The following SV2C variants were observed in gnomAD, a reference collection of about 807,000 sequenced individuals.
SV2C encodes synaptic vesicle glycoprotein 2C.
A neutral mutation model predicts 79.7 loss-of-function variants in SV2C; 49 were observed. The ratio of observed to expected loss-of-function variants is 0.61; its 90% CI spans 0.49 to 0.78. The LOEUF (loss-of-function observed/expected upper bound fraction) is 0.78. SV2C is among the 30% of genes least tolerant of loss of function. The pLI is 0.00. For synonymous variants in SV2C, 334 were observed against 333.2 expected, an observed-to-expected ratio of 1.00 and a Z score of -0.03; for missense variants, 833 against 912.9, an observed-to-expected ratio of 0.91 and a Z score of 1.13.
chr5:76,006,321 C>G, the SV2C span, among the ~76,000 whole-genome samples: 13 of 152,134 alleles, frequency 8.5e-5, no homozygotes, highest in African/African-American at 2.9e-4. Flanking sequence ...TCCGTGGTCT[C>G]TTTTTGCCCA....
At chr5:76,054,200 G>A in the SV2C span, among the ~76,000 whole-genome samples, 1 of 152,108 alleles carries the variant, frequency 6.6e-6, no homozygotes, top group Non-Finnish European at 1.5e-5. Flanking sequence ...GTATCCATGT[G>A]TTCCCATTGT....
At chr5:76,104,760 G>A (rs1327745376) in intron 1 of SV2C, among the ~76,000 whole-genome samples, 1 of 152,204 alleles carries the variant, frequency 6.6e-6, no homozygotes, top group Non-Finnish European at 1.5e-5. Context: ...GGAGACACTA[G>A]AGGGAGATGA....
the SV2C span, among the ~76,000 whole-genome samples, chr5:76,025,172 C>CG: frequency 7.9e-6 from 1 of 127,248 alleles, no homozygotes; most frequent in East Asian, 2.6e-4. Context: ...GCCTTGAGCA[C>CG]GTTTTTTTTT....
chr5:76,067,288 C>A, the SV2C span, among the ~76,000 whole-genome samples: 69 of 151,854 alleles, frequency 4.5e-4, no homozygotes, highest in African/African-American at 1.6e-3. Context: ...TGTGGTAAGA[C>A]TATCAAGCCT....
At chr5:75,885,444 T>C in the SV2C span, among the ~76,000 whole-genome samples, 617 of 152,256 alleles carry the variant, frequency 4.1e-3, 1 homozygote, top group Admixed American at 5.8e-3. Context: ...CTTTAAAAGA[T>C]TGAGATTGCC....
the SV2C span, among the ~76,000 whole-genome samples, chr5:75,918,941 A>C: frequency 2.0e-5 from 3 of 152,162 alleles, no homozygotes; most frequent in Non-Finnish European, 2.9e-5. Context: ...GTGAGATCTG[A>C]TATTTGTTGC....
At chr5:75,964,341 A>G in the SV2C span, among the ~76,000 whole-genome samples, 1 of 152,222 alleles carries the variant, frequency 6.6e-6, no homozygotes, top group Non-Finnish European at 1.5e-5. Context: ...ACTCTGGGTC[A>G]CGATATTCAT....
chr5:76,006,648 T>G, the SV2C span, among the ~76,000 whole-genome samples: 1 of 152,092 alleles, frequency 6.6e-6, no homozygotes, highest in Non-Finnish European at 1.5e-5. Context: ...GGAGTGTTGG[T>G]CCCCTTACCT....
intron 1 of SV2C, among the ~76,000 whole-genome samples, chr5:76,094,815 G>T (rs1747496570): frequency 6.6e-6 from 1 of 152,010 alleles, no homozygotes; most frequent in Non-Finnish European, 1.5e-5. Flanking sequence ...TGAATTTTAA[G>T]AGTTCTTTGT....
chr5:76,135,622 C>T (rs1316625005), intron 2 of SV2C, among the ~76,000 whole-genome samples: 1 of 152,144 alleles, frequency 6.6e-6, no homozygotes, highest in Non-Finnish European at 1.5e-5. Context: ...ACAGTGAGCA[C>T]AATAAACACA....
intron 12 of SV2C, among the ~76,000 whole-genome samples, chr5:76,309,542 G>T (rs1048914066): frequency 5.0e-5 from 7 of 141,266 alleles, no homozygotes; most frequent in African/African-American, 1.3e-4. Flanking sequence ...GGAGCTTGCA[G>T]TGAGCCGAGA....
the SV2C span, among the ~76,000 whole-genome samples, chr5:75,950,467 C>A: frequency 1.3e-5 from 2 of 151,940 alleles, no homozygotes; most frequent in Non-Finnish European, 2.9e-5. Flanking sequence ...TTTTAACAAA[C>A]ATATGAAAAC....
chr5:76,315,646 A>G (rs561601830), intron 12 of SV2C, among the ~76,000 whole-genome samples: 1 of 152,312 alleles, frequency 6.6e-6, no homozygotes, highest in East Asian at 1.9e-4. Context: ...CGTGGAGGGA[A>G]TCAAGTTGAG....
the SV2C span, among the ~76,000 whole-genome samples, chr5:75,872,076 TATATATGATA>T: frequency 4.2e-5 from 6 of 143,012 alleles, no homozygotes; most frequent in African/African-American, 1.6e-4. Context: ...TATATATGAA[TATATATGATA>T]ATATATATGA....
At chr5:75,877,923 G>A in the SV2C span, among the ~76,000 whole-genome samples, 6 of 146,068 alleles carry the variant, frequency 4.1e-5, no homozygotes, top group South Asian at 2.1e-4. Context: ...AAAACTTATC[G>A]AATGCAGGGA....
chr5:76,173,761 A>G, intron 2 of SV2C: 1 of 1,610,954 alleles, frequency 6.2e-7, no homozygotes, highest in East Asian at 2.2e-5. Flanking sequence ...CTAAGAATGC[A>G]CAGTTGTTCC....
the SV2C span, among the ~76,000 whole-genome samples, chr5:75,946,836 C>CATAG: frequency 6.6e-6 from 1 of 152,052 alleles, no homozygotes; most frequent in South Asian, 2.1e-4. Flanking sequence ...TATTTGTGCT[C>CATAG]ATAGGTACAT....
the SV2C span, among the ~76,000 whole-genome samples, chr5:75,973,395 T>C: frequency 6.6e-6 from 1 of 151,602 alleles, no homozygotes; most frequent in Non-Finnish European, 1.5e-5. Context: ...CTCAGGAGGC[T>C]AAGGTAGGAG....
intron 1 of SV2C, among the ~76,000 whole-genome samples, chr5:76,097,785 A>G (rs1747612954): frequency 6.6e-6 from 1 of 152,210 alleles, no homozygotes; most frequent in African/African-American, 2.4e-5. Context: ...AGGATATAAT[A>G]CAGAGAGCTC....
Sources: gnomAD v4.1 joint callset for allele counts (sites outside exome capture counted in the v4.1 genomes callset) on GRCh38, gnomAD v4.1.1 for gene constraint, MANE v1.5 for transcripts, NCBI Gene and HGNC (gene_info 2026-07-23, HGNC 2026-07-21) for gene names.